OSBPL11: variants seen among roughly 807,000 people sequenced by gnomAD.
OSBPL11 encodes oxysterol binding protein like 11.
A neutral mutation model predicts 84.4 loss-of-function variants in OSBPL11; 33 were observed. The observed-to-expected ratio is 0.39, with a 90% confidence interval of 0.30 to 0.52. The LOEUF (loss-of-function observed/expected upper bound fraction) is 0.52, where lower values mean the gene tolerates loss of function less well. Among genes scored for constraint, OSBPL11 ranks in the 20% least tolerant of loss-of-function variants. The pLI, the probability that OSBPL11 is intolerant of heterozygous loss-of-function variation, is 0.72. For synonymous variants in OSBPL11, 276 were observed against 310.2 expected (o/e 0.89, Z 1.16); for missense variants, 736 against 901.1 (o/e 0.82, Z 2.35).
intron 1 of OSBPL11, among the ~76,000 whole-genome samples, chr3:125,586,370 G>A (rs954559847): frequency 1.3e-5 from 2 of 152,094 alleles, no homozygotes; most frequent in Non-Finnish European, 2.9e-5. Flanking sequence ...ATTAGTAGTG[G>A]AAGCTGATAG....
At chr3:125,582,518 T>G (rs1289003462) in intron 2 of OSBPL11, among the ~76,000 whole-genome samples, 2 of 152,220 alleles carry the variant, frequency 1.3e-5, no homozygotes, top group Non-Finnish European at 2.9e-5. Flanking sequence ...GACCCTTGGC[T>G]GGTTACTTAA....
chr3:125,567,555 C>T lies in OSBPL11; in HGVS notation c.707G>A (p.Arg236Lys). The T allele has an allele frequency of 6.2e-7, 1 of 1,614,152 alleles. No homozygotes were observed. The highest frequency in any genetic ancestry group is 8.5e-7 in the Non-Finnish European group (1 of 1,180,006). Residue 236 changes from arginine to lysine, a missense_variant, in exon 6 of 13, where the codon AGA (arginine) becomes AAA (lysine). By Grantham distance (26) the Arg-to-Lys change is conservative. Transcript: ENST00000296220. The part of the protein sequence containing the change: ...HAEGQQRDLI[R>K]RIECLPTSGH... ...AGAAGTAGGAAGGCATTCAATTCGT[C>T]TAATTAAGTCTCTTTGTTGTCCTTC... is the stretch of plus-strand genomic sequence containing the variant.
intron 5 of OSBPL11, among the ~76,000 whole-genome samples, chr3:125,568,774 A>G (rs572889414): frequency 7.9e-5 from 12 of 152,326 alleles, no homozygotes; most frequent in South Asian, 2.1e-4. Context: ...AGTAACAATG[A>G]TTGATGAGCA....
chr3:125,534,704 A>G (rs1044753401), intron 11 of OSBPL11, among the ~76,000 whole-genome samples: 1 of 151,922 alleles, frequency 6.6e-6, no homozygotes, highest in African/African-American at 2.4e-5. Flanking sequence ...AACATTTAGG[A>G]AAAAAATATT....
intron 9 of OSBPL11, among the ~76,000 whole-genome samples, chr3:125,547,836 G>A (rs71325851): frequency 0.067 from 10,192 of 152,138 alleles, 468 homozygotes; most frequent in Non-Finnish European, 0.098. Flanking sequence ...ACCAGTAAAT[G>A]TTACAGTGGA....
rs1161041784 is a variant in OSBPL11 at position 125,594,677 on chromosome 3, T to G, written c.124A>C (p.Ser42Arg). The change falls in exon 1 of 13, where the codon AGC (serine) becomes CGC (arginine). Residue 42 changes from serine (S) to arginine (R), a missense_variant. Physicochemically the swap from Ser to Arg is moderately radical, Grantham distance 110. Transcript: ENST00000296220. ...TTTGCACTGCCACCGCGGCTGCTGC[T>G]GCTGCTACTGATTCCACCTCCACAG... Reference protein sequence around the residue: ...SSCGGGISSSSSSRGGSAKGW... With the variant: ...SSCGGGISSSRSSRGGSAKGW... 1 of 1,614,058 alleles carries G rather than the reference T, an allele frequency of 6.2e-7. No individual in the cohort carries two copies. The highest frequency in any genetic ancestry group is 1.7e-4 in the Middle Eastern group (1 of 5,948).
chr3:125,574,265 C>G (rs1290132367), intron 5 of OSBPL11, among the ~76,000 whole-genome samples: 2 of 147,310 alleles, frequency 1.4e-5, no homozygotes, highest in East Asian at 3.9e-4. Flanking sequence ...GCCATGAACT[C>G]ACAGGAAAAA....
At chr3:125,566,501 C>T (rs1007001637) in intron 6 of OSBPL11, among the ~76,000 whole-genome samples, 3 of 152,096 alleles carry the variant, frequency 2.0e-5, no homozygotes, top group Non-Finnish European at 4.4e-5. Flanking sequence ...CATCCTATAT[C>T]CATCTGAGTA....
intron 5 of OSBPL11, among the ~76,000 whole-genome samples, chr3:125,569,946 A>G (rs1291783102): frequency 6.6e-6 from 1 of 152,222 alleles, no homozygotes; most frequent in South Asian, 2.1e-4. Context: ...GGGTGCTCGT[A>G]ACATTTAACT....
intron 7 of OSBPL11, among the ~76,000 whole-genome samples, chr3:125,562,193 A>C (rs1936088545): frequency 6.6e-6 from 1 of 152,178 alleles, no homozygotes; most frequent in African/African-American, 2.4e-5. Flanking sequence ...CCTACATGGT[A>C]TCAATTAAGA....
At chr3:125,569,949 A>C (rs1936219136) in intron 5 of OSBPL11, among the ~76,000 whole-genome samples, 1 of 152,238 alleles carries the variant, frequency 6.6e-6, no homozygotes, top group African/African-American at 2.4e-5. Flanking sequence ...TGCTCGTAAC[A>C]TTTAACTTCT....
At chr3:125,565,313 CTG>C (rs1236496672) in intron 6 of OSBPL11, among the ~76,000 whole-genome samples, 6 of 152,106 alleles carry the variant, frequency 3.9e-5, no homozygotes. Flanking sequence ...TGGAAACAAA[CTG>C]TTTCATTTGA....
chr3:125,562,136 G>A (rs375637298), intron 7 of OSBPL11, among the ~76,000 whole-genome samples: 58 of 152,084 alleles, frequency 3.8e-4, no homozygotes, highest in African/African-American at 1.3e-3. Context: ...TCATGTACCC[G>A]ACTCAATATG....
At chr3:125,584,990 G>A (rs1023469977) in intron 1 of OSBPL11, among the ~76,000 whole-genome samples, 27 of 152,052 alleles carry the variant, frequency 1.8e-4, no homozygotes, top group African/African-American at 6.5e-4. Flanking sequence ...ATGTTGCCCA[G>A]GCTGCTCTCA....
intron 5 of OSBPL11, among the ~76,000 whole-genome samples, chr3:125,570,994 A>T (rs1377355777): frequency 6.6e-6 from 1 of 152,218 alleles, no homozygotes; most frequent in Non-Finnish European, 1.5e-5. Context: ...AGAAGAAGAC[A>T]GGAAAATGTG....
chr3:125,559,892 G>T (rs1049227404), intron 8 of OSBPL11, among the ~76,000 whole-genome samples: 1 of 151,030 alleles, frequency 6.6e-6, no homozygotes, highest in Admixed American at 6.6e-5. Flanking sequence ...GGCCAAGAAA[G>T]CCATTTTTTA....
chr3:125,577,299 C>G (rs1439786786), intron 4 of OSBPL11, among the ~76,000 whole-genome samples: 1 of 152,080 alleles, frequency 6.6e-6, no homozygotes, highest in African/African-American at 2.4e-5. Context: ...TTAGACATCT[C>G]TAACCTCAGA....
chr3:125,539,300 CATATATATATATATATATATATAT>C lies in OSBPL11; in HGVS notation c.1842-691_1842-668del, dbSNP rs10678056. On this transcript the variant is annotated intron_variant, in intron 10 of 12. Coordinates refer to ENST00000296220, the MANE Select transcript of OSBPL11 (RefSeq NM_022776.5). ...AAGTTTAATGAAGAGTCACCACAGC[CATATATATATATATATATATATAT>C]ATATATATATATATATATATAATAG... Among the ~76,000 whole-genome samples the C allele has an allele frequency of 1.3e-3, 91 of 67,836 alleles. 5 individuals are homozygous for C. Among genetic ancestry groups the C allele is most frequent in the East Asian group, 6.7e-3 (16 of 2,388 alleles). 44.5% of individuals were successfully genotyped at this position (67,836 alleles called of 152,430 possible).
chr3:125,573,551 G>C (rs540944794), intron 5 of OSBPL11, among the ~76,000 whole-genome samples: 6 of 152,248 alleles, frequency 3.9e-5, no homozygotes, highest in African/African-American at 1.4e-4. Context: ...AGGACAGTAT[G>C]ATACTACTCA....
Sources: allele counts gnomAD v4.1 joint callset (sites outside exome capture counted in the v4.1 genomes callset), GRCh38; gene constraint gnomAD v4.1.1; transcripts MANE v1.5; gene names NCBI Gene and HGNC (gene_info 2026-07-23, HGNC 2026-07-21).